The following NBAS variants were observed in gnomAD, a reference collection of about 807,000 sequenced individuals.
The protein encoded by NBAS is NBAS subunit of NRZ tethering complex, also known as NAG/BC035112 fusion.
In NBAS, 219 loss-of-function variants were observed where a neutral mutation model predicts 302.5. The ratio of observed to expected loss-of-function variants is 0.72; its 90% CI spans 0.65 to 0.81. The LOEUF is 0.81. NBAS is among the 30% of genes least tolerant of loss of function. The probability of loss-of-function intolerance (pLI) is 0.00; values close to 1 mark genes in which losing one functional copy is unlikely to be tolerated. For synonymous variants in NBAS, 1,118 were observed against 1,021.6 expected, an observed-to-expected ratio of 1.09 and a Z score of -1.80; for missense variants, 2,932 against 2,841.6, an observed-to-expected ratio of 1.03 and a Z score of -0.72.
the NBAS span, among the ~76,000 whole-genome samples, chr2:15,161,119 A>C: frequency 5.9e-3 from 899 of 152,078 alleles, 8 homozygotes; most frequent in Non-Finnish European, 9.6e-3. Flanking sequence ...AATCAGAATG[A>C]TGTGAGTTCA....
chr2:15,265,728 A>C (rs1030918687), intron 44 of NBAS, among the ~76,000 whole-genome samples: 8 of 152,238 alleles, frequency 5.3e-5, no homozygotes, highest in African/African-American at 1.9e-4. Context: ...GAAACCTAAT[A>C]TTTGTACTTT....
At chr2:14,813,895 T>C in the NBAS span, among the ~76,000 whole-genome samples, 1 of 152,050 alleles carries the variant, frequency 6.6e-6, no homozygotes, top group Non-Finnish European at 1.5e-5. Flanking sequence ...AGGAAAAAAT[T>C]TGGGGGGGCC....
chr2:15,256,762 T>C (rs1008458390), intron 44 of NBAS, among the ~76,000 whole-genome samples: 7 of 152,202 alleles, frequency 4.6e-5, no homozygotes, highest in African/African-American at 1.7e-4. Context: ...GTTTTAATCA[T>C]AAAGGGATGC....
intron 51 of NBAS, among the ~76,000 whole-genome samples, chr2:15,176,045 T>C (rs538384323): frequency 4.6e-5 from 7 of 152,302 alleles, no homozygotes; most frequent in African/African-American, 9.6e-5. Flanking sequence ...ACTGAAGTTA[T>C]TGATGAACTC....
the NBAS span, among the ~76,000 whole-genome samples, chr2:14,834,055 T>C: frequency 6.6e-6 from 1 of 152,164 alleles, no homozygotes; most frequent in Non-Finnish European, 1.5e-5. Flanking sequence ...TTAGCGATCA[T>C]GACTTGATTA....
chr2:15,473,492 G>T, intron 15 of NBAS, 145 bp from the exon 16 acceptor site: 2 of 1,042,160 alleles, frequency 1.9e-6, no homozygotes, highest in Non-Finnish European at 2.9e-6. Flanking sequence ...GAAGCTCACA[G>T]ATATTTTGAG....
chr2:15,197,944 C>G (rs868853007), intron 48 of NBAS, among the ~76,000 whole-genome samples: 19 of 152,176 alleles, frequency 1.2e-4, no homozygotes, highest in Non-Finnish European at 1.3e-4. Context: ...TATGCAAATG[C>G]AGATATGATT....
At chr2:15,542,796 CT>C (rs1663914503) in intron 6 of NBAS, among the ~76,000 whole-genome samples, 1 of 152,210 alleles carries the variant, frequency 6.6e-6, no homozygotes, top group South Asian at 2.1e-4. Context: ...TAAGGAAACA[CT>C]ACCATGTGAT....
chr2:14,787,367 A>G, the NBAS span, among the ~76,000 whole-genome samples: 1 of 152,092 alleles, frequency 6.6e-6, no homozygotes, highest in African/African-American at 2.4e-5. Context: ...TGTCATTATG[A>G]TGTTAGCTGC....
chr2:14,920,438 G>A, the NBAS span, among the ~76,000 whole-genome samples: 7 of 152,182 alleles, frequency 4.6e-5, no homozygotes, highest in Non-Finnish European at 8.8e-5. Flanking sequence ...TCCACCTAAA[G>A]TCACCAGCTA....
At chr2:15,372,708 A>C (rs980865651) in intron 31 of NBAS, among the ~76,000 whole-genome samples, 3 of 152,212 alleles carry the variant, frequency 2.0e-5, no homozygotes, top group Admixed American at 1.3e-4. Context: ...CATGAAAGCA[A>C]ATGTCTTTCT....
intron 44 of NBAS, among the ~76,000 whole-genome samples, chr2:15,267,283 TA>T (rs1169084017): frequency 2.0e-5 from 3 of 152,208 alleles, no homozygotes; most frequent in Admixed American, 2.0e-4. Flanking sequence ...GAATAGTGAC[TA>T]AACATTTCCT....
In NBAS at chr2:15,330,625, C is replaced by T. The variant is rs1158712051; in HGVS notation, c.4320G>A (p.Lys1440=). The part of the protein sequence containing the change: ...QAVSDGQWWK[K]SLTYLRPLQG... ...GAAGGGGTCGAAGGTAAGTTAAAGA[C>T]TTCTTCCACCACTGCCCATCACTGA... The change falls in exon 36 of 52, where the codon AAG becomes AAA. Residue 1440 remains lysine, a synonymous_variant. Transcript: ENST00000281513. 1.2e-6 allele frequency: 2 copies of T among 1,613,862 alleles called. No individual in the cohort carries two copies.
In NBAS at chr2:15,439,765, T is replaced by A. The variant is rs543836570; in HGVS notation, c.2340-11971A>T. ...TCCCTTTCCTAGTCAAAGAAAGGGG[T>A]GACAGACAGCACCTGGAAAATCGGG... is the stretch of plus-strand genomic sequence containing the variant. On this transcript the variant is annotated intron_variant, in intron 21 of 51. Transcript: ENST00000281513. Among the ~76,000 whole-genome samples, 281 of 152,088 alleles carry A rather than the reference T, an allele frequency of 1.8e-3. 2 individuals are homozygous for A. Among genetic ancestry groups the A allele is most frequent in the Middle Eastern group, 0.01 (3 of 294 alleles).
intron 11 of NBAS, among the ~76,000 whole-genome samples, chr2:15,495,907 A>G (rs559151084): frequency 6.6e-6 from 1 of 152,322 alleles, no homozygotes; most frequent in South Asian, 2.1e-4. Flanking sequence ...CACAGTTATC[A>G]TAAGACTCAG....
At chr2:15,039,578 T>C in the NBAS span, among the ~76,000 whole-genome samples, 1 of 152,182 alleles carries the variant, frequency 6.6e-6, no homozygotes, top group South Asian at 2.1e-4. Flanking sequence ...CAGGAGCTTT[T>C]AGATAAGCAT....
At chr2:15,537,972 C>T (rs867757714) in intron 7 of NBAS, among the ~76,000 whole-genome samples, 18 of 152,190 alleles carry the variant, frequency 1.2e-4, no homozygotes, top group East Asian at 1.9e-4. Flanking sequence ...ACTTGATACA[C>T]GGCTAGTCCA....
intron 19 of NBAS, among the ~76,000 whole-genome samples, chr2:15,464,065 C>A (rs1679622813): frequency 6.6e-6 from 1 of 152,094 alleles, no homozygotes; most frequent in Non-Finnish European, 1.5e-5. Context: ...GAGCAATGGG[C>A]ACATCGGGCT....
intron 44 of NBAS, among the ~76,000 whole-genome samples, chr2:15,258,632 G>C (rs1328142062): frequency 1.3e-5 from 2 of 152,086 alleles, no homozygotes; most frequent in Non-Finnish European, 2.9e-5. Flanking sequence ...ACTAGGATTG[G>C]GGAACCTCGC....
Sources: gnomAD v4.1 joint callset for allele counts (sites outside exome capture counted in the v4.1 genomes callset) on GRCh38, gnomAD v4.1.1 for gene constraint, MANE v1.5 for transcripts, NCBI Gene and HGNC (gene_info 2026-07-23, HGNC 2026-07-21) for gene names.